The following DIPK1B variants were observed in gnomAD, a reference collection of about 807,000 sequenced individuals.
DIPK1B encodes divergent protein kinase domain 1B.
DIPK1B carries 17 observed loss-of-function variants against 20.7 expected under a neutral mutation model. The ratio of observed to expected loss-of-function variants is 0.82; its 90% CI spans 0.56 to 1.23. The LOEUF is 1.23. DIPK1B is among the 50% of genes most tolerant of loss of function. The probability of loss-of-function intolerance (pLI) is 0.00; values close to 1 mark genes in which losing one functional copy is unlikely to be tolerated. For missense variants in DIPK1B, 648 were observed against 601.8 expected (o/e 1.08, Z -0.80); for synonymous variants, 343 against 276.5 (o/e 1.24, Z -2.39).
Position 136,722,193 on chromosome 9 carries a change from C to T in DIPK1B, c.375C>T (p.Ser125=). 6.2e-7 allele frequency: 1 copy of T among 1,614,060 alleles called. No homozygotes were observed. Among genetic ancestry groups the T allele is most frequent in the Non-Finnish European group, 8.5e-7 (1 of 1,180,014 alleles). The change falls in exon 4 of 5, where the codon TCC becomes TCT. Residue 125 remains serine, a synonymous_variant. Coordinates refer to ENST00000371692, the MANE Select transcript of DIPK1B (RefSeq NM_152421.4). ...IKCGIEETLD[S]KARSDAAPRR... ...GTGGCATTGAGGAGACCCTCGACTCCAAGGCCCGGTCGGATGCGGCCCCCC... is the reference window on the plus strand; with the variant it reads ...GTGGCATTGAGGAGACCCTCGACTCTAAGGCCCGGTCGGATGCGGCCCCCC...
intron 2 of DIPK1B, chr9:136,721,709 G>C: frequency 1.7e-6 from 1 of 571,878 alleles, no homozygotes; most frequent in Non-Finnish European, 3.1e-6. Flanking sequence ...GGACCGGACC[G>C]GAGGGTTGGC....
At chr9:136,714,657 G>C (rs995253681) in intron 1 of DIPK1B, among the ~76,000 whole-genome samples, 2 of 152,238 alleles carry the variant, frequency 1.3e-5, no homozygotes, top group Admixed American at 1.3e-4. Flanking sequence ...TTCATCTTGA[G>C]CAAGTCTGCC....
intron 1 of DIPK1B, among the ~76,000 whole-genome samples, chr9:136,714,723 G>A (rs1846473044): frequency 6.6e-6 from 1 of 152,232 alleles, no homozygotes; most frequent in African/African-American, 2.4e-5. Flanking sequence ...ACCAACCTGG[G>A]CCTGGAGGGC....
chr9:136,717,523 C>T, intron 1 of DIPK1B, 54 bp from the exon 2 acceptor site: 3 of 1,571,816 alleles, frequency 1.9e-6, no homozygotes, highest in Non-Finnish European at 2.6e-6. Flanking sequence ...GTTGAGAGCA[C>T]CCTGAGCCTG....
chr9:136,720,961 G>C (rs993344335), intron 2 of DIPK1B: 3 of 152,270 alleles, frequency 2.0e-5, no homozygotes, highest in African/African-American at 7.2e-5. Flanking sequence ...CCTTGGGACA[G>C]GAGGAGACCC....
rs1378317719 is a variant in DIPK1B at position 136,722,263 on chromosome 9, A to G, written c.445A>G (p.Ile149Val). 2 of 1,613,778 alleles carry G rather than the reference A, an allele frequency of 1.2e-6. No individual in the cohort carries two copies. Among genetic ancestry groups the G allele is most frequent in the Admixed American group, 1.7e-5 (1 of 59,980 alleles). Reference sequence around the variant, plus strand: ...TGACAAGCCCACCCGGGGCACCTCCATCAAGGAATTCCGGGAGATGACCCT... The same window carrying G: ...TGACAAGCCCACCCGGGGCACCTCCGTCAAGGAATTCCGGGAGATGACCCT... ...LFDKPTRGTS[I>V]KEFREMTLSF... The change falls in exon 4 of 5, where the codon ATC (isoleucine) becomes GTC (valine). Residue 149 changes from isoleucine (I) to valine (V), a missense_variant. By Grantham distance (29) the Ile-to-Val change is conservative (BLOSUM62 3). Transcript: ENST00000371692.
At chr9:136,718,241 C>CAT (rs1489813474) in intron 2 of DIPK1B, among the ~76,000 whole-genome samples, 13 of 25,886 alleles carry the variant, frequency 5.0e-4, no homozygotes, top group African/African-American at 1.1e-3. Context: ...CTCACTGGTC[C>CAT]GGGATAGAGA....
At chr9:136,720,819 G>A (rs1846587762) in intron 2 of DIPK1B, 1 of 152,358 alleles carries the variant, frequency 6.6e-6, no homozygotes, top group Admixed American at 6.5e-5. Flanking sequence ...CCACCCCAGG[G>A]GTACCCTTGA....
At chr9:136,719,524 C>T (rs1846556940) in intron 2 of DIPK1B, among the ~76,000 whole-genome samples, 1 of 152,244 alleles carries the variant, frequency 6.6e-6, no homozygotes, top group African/African-American at 2.4e-5. Flanking sequence ...CACCAGGGCC[C>T]TCGCGAGGCC....
chr9:136,716,415 G>A (rs1846497551), intron 1 of DIPK1B, among the ~76,000 whole-genome samples: 1 of 151,616 alleles, frequency 6.6e-6, no homozygotes, highest in Non-Finnish European at 1.5e-5. Flanking sequence ...CTACAGGCGT[G>A]AGTCACCATG....
At chr9:136,719,251 C>CA (rs1468597289) in intron 2 of DIPK1B, among the ~76,000 whole-genome samples, 1 of 152,150 alleles carries the variant, frequency 6.6e-6, no homozygotes, top group Non-Finnish European at 1.5e-5. Flanking sequence ...CCCCCACAAA[C>CA]AAGAGGAAGC....
At chr9:136,718,180 CCACCGTGTGCTGGCCTCACTGGTCCAGGA>C (rs1846530957) in intron 2 of DIPK1B, among the ~76,000 whole-genome samples, 1 of 89,826 alleles carries the variant, frequency 1.1e-5, no homozygotes, top group Admixed American at 1.1e-4. Flanking sequence ...GGGATAGAGA[CCACCGTGTGCTGGCCTCACTGGTCCAGGA>C]TAGAGACCAC....
At chr9:136,717,228 CAAA>C (rs869218686) in intron 1 of DIPK1B, among the ~76,000 whole-genome samples, 2 of 133,406 alleles carry the variant, frequency 1.5e-5, no homozygotes, top group East Asian at 2.2e-4. Flanking sequence ...GACTCCCTCT[CAAA>C]AAAAAAAAAA....
intron 4 of DIPK1B, 184 bp downstream of exon 4, chr9:136,722,485 G>A (rs1846622889): frequency 2.6e-6 from 2 of 762,892 alleles, no homozygotes; most frequent in Non-Finnish European, 2.1e-6. Flanking sequence ...CTCCAGGGCT[G>A]GGGGCAAGGG....
chr9:136,720,156 G>T (rs1588283752), intron 2 of DIPK1B, among the ~76,000 whole-genome samples: 1 of 152,118 alleles, frequency 6.6e-6, no homozygotes, highest in Non-Finnish European at 1.5e-5. Context: ...GGACTCCGGT[G>T]GCAAAGGGCC....
chr9:136,723,102 G>A lies in DIPK1B; in HGVS notation c.624G>A (p.Leu208=). 1 of 1,613,642 alleles carries A rather than the reference G, an allele frequency of 6.2e-7. No homozygotes were observed. Among genetic ancestry groups the A allele is most frequent in the Non-Finnish European group, 8.5e-7 (1 of 1,180,044 alleles). The change falls in exon 5 of 5, where the codon CTG becomes CTA. Residue 208 remains leucine, a synonymous_variant. Coordinates refer to ENST00000371692, the MANE Select transcript of DIPK1B (RefSeq NM_152421.4). ...WALLQRNEFL[L]LLSLQEKEHA... ...TGCTGCAGCGTAACGAGTTCCTGCT[G>A]CTGCTGTCCCTGCAGGAGAAGGAGC...
chr9:136,723,549 C>T lies in DIPK1B; in HGVS notation c.1071C>T (p.Cys357=), dbSNP rs1846653924. The T allele has an allele frequency of 6.3e-7, 1 of 1,598,460 alleles. No individual in the cohort carries two copies. The highest frequency in any genetic ancestry group is 8.5e-7 in the Non-Finnish European group (1 of 1,172,940). ...CGTGTGACAGGCTCATGAGGCAGTG[C>T]AAGGGCGACCTCATCCAGCCCAACC... ...RAPCDRLMRQ[C]KGDLIQPNLA... is the part of the protein sequence containing the mutation. Residue 357 remains cysteine (C), a synonymous_variant, in exon 5 of 5, where the codon TGC becomes TGT. Coordinates refer to ENST00000371692, the MANE Select transcript of DIPK1B (RefSeq NM_152421.4).
At chr9:136,722,587 G>C in intron 4 of DIPK1B, 2 of 565,800 alleles carry the variant, frequency 3.5e-6, no homozygotes, top group South Asian at 4.3e-5. Flanking sequence ...CCCGAATGGA[G>C]ACCAGGGCTT....
intron 2 of DIPK1B, 197 bp from the exon 3 acceptor site, chr9:136,721,724 C>CATTAAAAAA: frequency 1.7e-5 from 10 of 586,230 alleles, no homozygotes; most frequent in South Asian, 1.2e-4. Flanking sequence ...GTTGGCGGGG[C>CATTAAAAAA]TGCCCCTGCA....
Sources: gnomAD v4.1 joint callset for allele counts (sites outside exome capture counted in the v4.1 genomes callset) on GRCh38, gnomAD v4.1.1 for gene constraint, MANE v1.5 for transcripts, NCBI Gene and HGNC (gene_info 2026-07-23, HGNC 2026-07-21) for gene names.